CDH13: variants seen among roughly 807,000 people sequenced by gnomAD.
CDH13 encodes cadherin 13.
In CDH13, 24 loss-of-function variants were observed where a neutral mutation model predicts 63.8. The ratio of observed to expected loss-of-function variants is 0.38; its 90% CI spans 0.27 to 0.53. The LOEUF is 0.53. Ranked by LOEUF, CDH13 falls within the 20% of genes least tolerant of loss-of-function variation. The probability of loss-of-function intolerance (pLI) is 0.85; values close to 1 mark genes in which losing one functional copy is unlikely to be tolerated. For synonymous variants in CDH13, 503 were observed against 355.3 expected, an observed-to-expected ratio of 1.42 and a Z score of -4.67; for missense variants, 1,049 against 903.1, an observed-to-expected ratio of 1.16 and a Z score of -2.07.
At chr16:83,509,062 C>G (rs970407749) in intron 7 of CDH13, among the ~76,000 whole-genome samples, 2 of 152,210 alleles carry the variant, frequency 1.3e-5, no homozygotes, top group Admixed American at 6.5e-5. Context: ...TCTCATTCCT[C>G]TATTTGAAGC....
intron 7 of CDH13, among the ~76,000 whole-genome samples, chr16:83,512,776 G>A (rs1259690914): frequency 1.3e-5 from 2 of 152,098 alleles, no homozygotes; most frequent in African/African-American, 2.4e-5. Context: ...GACCAGTGTG[G>A]ACTAGAAGTA....
At chr16:83,079,988 T>A (rs1188189199) in intron 3 of CDH13, among the ~76,000 whole-genome samples, 2 of 152,222 alleles carry the variant, frequency 1.3e-5, no homozygotes, top group African/African-American at 4.8e-5. Flanking sequence ...AAAAGTACTT[T>A]CACGTTTGGA....
chr16:82,828,938 A>C (rs1233824319), intron 1 of CDH13, among the ~76,000 whole-genome samples: 1 of 152,180 alleles, frequency 6.6e-6, no homozygotes, highest in Non-Finnish European at 1.5e-5. Flanking sequence ...CAATTGTGCT[A>C]ACCTTTTAGA....
At chr16:82,905,432 CGTGTGTGTGT>C (rs140795057) in intron 2 of CDH13, among the ~76,000 whole-genome samples, 53 of 143,612 alleles carry the variant, frequency 3.7e-4, no homozygotes, top group East Asian at 1.0e-3. Context: ...ATGAATCACA[CGTGTGTGTGT>C]GTGTGTGTGT....
intron 3 of CDH13, among the ~76,000 whole-genome samples, chr16:83,104,813 C>T (rs979237864): frequency 6.6e-6 from 1 of 152,046 alleles, no homozygotes; most frequent in Admixed American, 6.5e-5. Flanking sequence ...CATTATGAAG[C>T]TAACGAACAA....
chr16:83,129,251 C>T (rs2035944606), intron 4 of CDH13, among the ~76,000 whole-genome samples: 1 of 152,146 alleles, frequency 6.6e-6, no homozygotes, highest in Non-Finnish European at 1.5e-5. Context: ...ATGTCTAAGT[C>T]AGGACACCTC....
At chr16:83,020,871 G>A (rs953441320) in intron 2 of CDH13, among the ~76,000 whole-genome samples, 3 of 152,212 alleles carry the variant, frequency 2.0e-5, no homozygotes, top group African/African-American at 7.2e-5. Context: ...TTTAGGCTTA[G>A]CCAGGACACT....
At chr16:82,646,690 T>TC (rs34183380) in intron 1 of CDH13, among the ~76,000 whole-genome samples, 1 of 151,976 alleles carries the variant, frequency 6.6e-6, no homozygotes, top group Non-Finnish European at 1.5e-5. Context: ...CTTGTCATCA[T>TC]CCCCATCTAC....
chr16:83,768,325 T>C (rs1914536233), intron 11 of CDH13, among the ~76,000 whole-genome samples: 1 of 152,210 alleles, frequency 6.6e-6, no homozygotes, highest in African/African-American at 2.4e-5. Context: ...GGTCAAGGTT[T>C]TTCATGAAAT....
At chr16:82,891,403 T>A (rs140101535) in intron 2 of CDH13, among the ~76,000 whole-genome samples, 1 of 152,190 alleles carries the variant, frequency 6.6e-6, no homozygotes, top group African/African-American at 2.4e-5. Context: ...AGGTTAAGAC[T>A]CAAGGGCTGT....
chr16:83,265,907 C>CCAT (rs1450297932), intron 5 of CDH13, among the ~76,000 whole-genome samples: 5 of 151,680 alleles, frequency 3.3e-5, no homozygotes, highest in Non-Finnish European at 7.4e-5. Context: ...TGGGACTCCA[C>CCAT]CATCAGTATC....
At chr16:82,629,257 A>G (rs1407043907) in intron 1 of CDH13, among the ~76,000 whole-genome samples, 1 of 152,198 alleles carries the variant, frequency 6.6e-6, no homozygotes, top group Admixed American at 6.5e-5. Flanking sequence ...CACTCTATTT[A>G]TTTAGATGAA....
intron 6 of CDH13, among the ~76,000 whole-genome samples, chr16:83,458,401 C>T (rs1410791974): frequency 6.6e-6 from 1 of 152,216 alleles, no homozygotes; most frequent in Non-Finnish European, 1.5e-5. Context: ...TTCCCAACAT[C>T]ATCGCCATTA....
intron 5 of CDH13, among the ~76,000 whole-genome samples, chr16:83,265,145 C>A (rs532766640): frequency 2.6e-5 from 4 of 152,098 alleles, no homozygotes; most frequent in African/African-American, 4.8e-5. Flanking sequence ...TTCTTATTTT[C>A]TTGGAATTTG....
chr16:83,587,088 C>A (rs1281950539), intron 7 of CDH13, among the ~76,000 whole-genome samples: 1 of 152,100 alleles, frequency 6.6e-6, no homozygotes, highest in African/African-American at 2.4e-5. Flanking sequence ...GAACTCTAAA[C>A]CAAAGTCAGC....
chr16:83,602,128 AAAAAAAAAAAAAAAAC>A (rs1598354682), intron 7 of CDH13, among the ~76,000 whole-genome samples: 2 of 105,114 alleles, frequency 1.9e-5, no homozygotes, highest in African/African-American at 8.5e-5. Flanking sequence ...AAAAAAAAAA[AAAAAAAAAAAAAAAAC>A]CCAAAGGACA....
chr16:83,041,514 C>T (rs534659161), intron 3 of CDH13, among the ~76,000 whole-genome samples: 4 of 152,162 alleles, frequency 2.6e-5, no homozygotes, highest in East Asian at 1.9e-4. Flanking sequence ...CAAAAGCCAA[C>T]GACCCTGCTA....
chr16:83,391,921 AT>A (rs892632751), intron 6 of CDH13, among the ~76,000 whole-genome samples: 2 of 151,908 alleles, frequency 1.3e-5, no homozygotes, highest in Non-Finnish European at 2.9e-5. Context: ...GATAAACAAG[AT>A]TTTTTTTCTC....
At chr16:83,571,016 A>T (rs968869439) in intron 7 of CDH13, among the ~76,000 whole-genome samples, 3 of 147,136 alleles carry the variant, frequency 2.0e-5, no homozygotes, top group Non-Finnish European at 4.5e-5. Context: ...CCAGCTAAAC[A>T]TTCAAAAGCA....
Sources: allele counts gnomAD v4.1 joint callset (sites outside exome capture counted in the v4.1 genomes callset), GRCh38; gene constraint gnomAD v4.1.1; transcripts MANE v1.5; gene names NCBI Gene and HGNC (gene_info 2026-07-23, HGNC 2026-07-21).